The following TENM3 variants were observed in gnomAD, a reference collection of about 807,000 sequenced individuals.
TENM3 encodes the protein teneurin-3.
In TENM3, 63 loss-of-function variants were observed where a neutral mutation model predicts 255.1. That is an observed-to-expected ratio of 0.25 (90% CI 0.20 to 0.30). The LOEUF (loss-of-function observed/expected upper bound fraction) is 0.30, where lower values mean the gene tolerates loss of function less well. Among genes scored for constraint, TENM3 ranks in the 10% least tolerant of loss-of-function variants. TENM3 has a pLI of 1.00. For synonymous variants in TENM3, 1,306 were observed against 1,322.3 expected (o/e 0.99, Z 0.27); for missense variants, 2,929 against 3,461.1 (o/e 0.85, Z 3.86).
chr4:181,766,309 A>T, the TENM3 span, among the ~76,000 whole-genome samples: 1 of 152,306 alleles, frequency 6.6e-6, no homozygotes, highest in East Asian at 1.9e-4. Flanking sequence ...GGAGACAGAA[A>T]GTAAATTCCA....
chr4:181,584,203 G>A, the TENM3 span, among the ~76,000 whole-genome samples: 2 of 152,108 alleles, frequency 1.3e-5, no homozygotes, highest in African/African-American at 4.8e-5. Context: ...TAAACCAAAG[G>A]ATCCAGCTAT....
rs1751063322 is a variant in TENM3 at position 182,628,693 on chromosome 4, C to G, written c.792C>G (p.Phe264Leu). ...FKTGTGTTPL[F>L]STATPGYTMA... The stretch of plus-strand genomic sequence containing the variant: ...CAGGAACAGGTACAACGCCACTGTT[C>G]AGTACTGCAACCCCAGGATACACAA... The change falls in exon 5 of 28, where the codon TTC becomes TTG. Residue 264 changes from phenylalanine (F) to leucine (L), a missense_variant. By Grantham distance (22) the Phe-to-Leu change is conservative (BLOSUM62 0). This residue lies in a region of TENM3 where 1,608 missense variants were observed against 1,884.4 expected (regional missense o/e 0.85). Coordinates refer to ENST00000511685, the MANE Select transcript of TENM3 (RefSeq NM_001080477.4). 3 of 1,604,830 alleles carry G rather than the reference C, an allele frequency of 1.9e-6. No individual in the cohort carries two copies. Among genetic ancestry groups the G allele is most frequent in the South Asian group, 1.1e-5 (1 of 89,056 alleles).
At chr4:181,904,136 C>G in the TENM3 span, among the ~76,000 whole-genome samples, 24 of 152,152 alleles carry the variant, frequency 1.6e-4, no homozygotes, top group Non-Finnish European at 3.4e-4. Flanking sequence ...ATCAAGATCT[C>G]TTCTGAAGCC....
chr4:182,237,154 A>G (rs529475861), intron 1 of TENM3, among the ~76,000 whole-genome samples: 1 of 152,186 alleles, frequency 6.6e-6, no homozygotes, highest in African/African-American at 2.4e-5. Context: ...GTCCAGCTCC[A>G]TCCATGTTCC....
chr4:181,484,750 C>T, the TENM3 span, among the ~76,000 whole-genome samples: 1 of 151,924 alleles, frequency 6.6e-6, no homozygotes, highest in East Asian at 1.9e-4. Flanking sequence ...TACATGTAGC[C>T]TAACAGATGA....
chr4:181,892,116 T>A, the TENM3 span, among the ~76,000 whole-genome samples: 1 of 152,192 alleles, frequency 6.6e-6, no homozygotes, highest in Non-Finnish European at 1.5e-5. Context: ...ATTTCTATTC[T>A]TTGCAAATTA....
At chr4:182,104,995 T>C in the TENM3 span, among the ~76,000 whole-genome samples, 1 of 152,106 alleles carries the variant, frequency 6.6e-6, no homozygotes, top group African/African-American at 2.4e-5. Flanking sequence ...GAGAATCACT[T>C]GAGCCCAGTA....
rs1373525850 is a variant in TENM3, at chr4:182,800,118, C to G, written c.7867C>G (p.Gln2623Glu). ...CGAGGAGAAGGCGCGCATCCTGGAG[C>G]AGGCGCGGCAGCGCGCGCTCGCCCG... ...LDEEKARILE[Q>E]ARQRALARAW... Residue 2623 changes from glutamine to glutamate, a missense_variant, in exon 28 of 28, where the codon CAG becomes GAG. Gln to Glu is a conservative substitution (Grantham distance 29). Coordinates refer to ENST00000511685, the MANE Select transcript of TENM3 (RefSeq NM_001080477.4). 7 of 1,513,726 alleles carry G rather than the reference C, an allele frequency of 4.6e-6. No homozygotes were observed. Among genetic ancestry groups the G allele is most frequent in the Non-Finnish European group, 5.3e-6 (6 of 1,139,366 alleles). The allele number at this position is 1,513,726 out of a possible 1,614,324, so 93.8% of individuals were successfully genotyped here.
chr4:181,510,329 G>A, the TENM3 span, among the ~76,000 whole-genome samples: 4 of 152,094 alleles, frequency 2.6e-5, no homozygotes, highest in African/African-American at 7.2e-5. Context: ...AAAATGTGAG[G>A]TCCAGACAAA....
the TENM3 span, among the ~76,000 whole-genome samples, chr4:181,934,416 G>A: frequency 6.6e-6 from 1 of 152,054 alleles, no homozygotes; most frequent in Admixed American, 6.6e-5. Context: ...GTTAAAAATG[G>A]GTTCTTTAAA....
chr4:181,789,490 C>A, the TENM3 span, among the ~76,000 whole-genome samples: 2 of 151,910 alleles, frequency 1.3e-5, no homozygotes, highest in Non-Finnish European at 2.9e-5. Flanking sequence ...CTCCTGACCT[C>A]ACGTTATCCA....
the TENM3 span, among the ~76,000 whole-genome samples, chr4:181,771,583 C>T: frequency 8.9e-3 from 1,352 of 152,268 alleles, 49 homozygotes; most frequent in East Asian, 0.076. Context: ...CAGAGATGCC[C>T]GGCAGACAAA....
intron 1 of TENM3, among the ~76,000 whole-genome samples, chr4:182,171,829 T>C (rs1042478149): frequency 5.9e-5 from 9 of 152,218 alleles, no homozygotes; most frequent in African/African-American, 2.2e-4. Context: ...TTAAAATGAA[T>C]TTTCATGGCT....
At chr4:182,458,209 CATT>C (rs1580619552) in intron 3 of TENM3, among the ~76,000 whole-genome samples, 1 of 152,160 alleles carries the variant, frequency 6.6e-6, no homozygotes, top group African/African-American at 2.4e-5. Context: ...GGATTAGCAT[CATT>C]GATTTGAAAA....
At chr4:182,238,241 C>T (rs1007701413) in intron 1 of TENM3, among the ~76,000 whole-genome samples, 3 of 152,134 alleles carry the variant, frequency 2.0e-5, no homozygotes, top group South Asian at 2.1e-4. Flanking sequence ...AGCCATACTG[C>T]AACTGTCTAT....
At chr4:181,984,754 C>T in the TENM3 span, among the ~76,000 whole-genome samples, 1 of 149,700 alleles carries the variant, frequency 6.7e-6, no homozygotes, top group African/African-American at 2.5e-5. Flanking sequence ...AAAATCTCAT[C>T]GGCTTTTTAT....
chr4:181,553,665 T>C, the TENM3 span, among the ~76,000 whole-genome samples: 1 of 151,980 alleles, frequency 6.6e-6, no homozygotes, highest in East Asian at 1.9e-4. Flanking sequence ...ATGGTCTCGA[T>C]CTCCTGACCT....
the TENM3 span, among the ~76,000 whole-genome samples, chr4:181,549,934 G>GT: frequency 0.19 from 29,377 of 151,422 alleles, 3,463 homozygotes; most frequent in African/African-American, 0.33. Context: ...AAACCATACA[G>GT]TTTTTTTTTC....
rs534515121 is a variant in TENM3 at position 182,571,422 on chromosome 4, A to T, written c.512-29502A>T. Among the ~76,000 whole-genome samples the T allele has an allele frequency of 1.1e-4, 17 of 152,288 alleles. No individual in the cohort carries two copies. The East Asian group carries it at 3.3e-3, about 29-fold the overall frequency. On this transcript the variant is annotated intron_variant, in intron 3 of 27. Coordinates refer to ENST00000511685, the MANE Select transcript of TENM3 (RefSeq NM_001080477.4). The stretch of plus-strand genomic sequence containing the variant: ...GTGCCTGTAGTCCCAGCTCCTCAGG[A>T]GGCTGAGGTGGGAGGATGGCTTGAG...
Sources: gnomAD v4.1 joint callset for allele counts (sites outside exome capture counted in the v4.1 genomes callset) on GRCh38, gnomAD v4.1.1 for gene constraint, gnomAD v4.1.1 regional missense constraint, MANE v1.5 for transcripts, NCBI Gene and HGNC (gene_info 2026-07-23, HGNC 2026-07-21) for gene names.